Variants in TFAP2D observed in about 807,000 individuals in gnomAD.
TFAP2D encodes transcription factor AP-2-delta.
Under a neutral mutation model 43.6 loss-of-function variants are expected in TFAP2D, and 9 were observed. The observed-to-expected ratio is 0.21, with a 90% confidence interval of 0.12 to 0.36. TFAP2D has a LOEUF of 0.36. TFAP2D is among the 10% of genes least tolerant of loss of function. The pLI is 1.00. For synonymous variants in TFAP2D, 256 were observed against 224.9 expected, an observed-to-expected ratio of 1.14 and a Z score of -1.24; for missense variants, 513 against 561.4, an observed-to-expected ratio of 0.91 and a Z score of 0.87.
chr6:50,722,236 C>T (rs1768737574), intron 3 of TFAP2D, among the ~76,000 whole-genome samples: 1 of 152,162 alleles, frequency 6.6e-6, no homozygotes, highest in African/African-American at 2.4e-5. Flanking sequence ...CCCGCAGCTC[C>T]GGCTCTCCAA....
intron 3 of TFAP2D, among the ~76,000 whole-genome samples, chr6:50,728,511 T>C (rs1768839803): frequency 6.6e-6 from 1 of 152,216 alleles, no homozygotes; most frequent in African/African-American, 2.4e-5. Flanking sequence ...TACCTAGTCT[T>C]TGTGAGCTTA....
At chr6:50,742,573 CATAGA>C (rs1769061679) in intron 5 of TFAP2D, among the ~76,000 whole-genome samples, 1 of 145,382 alleles carries the variant, frequency 6.9e-6, no homozygotes, top group African/African-American at 2.6e-5. Flanking sequence ...GACAGACACA[CATAGA>C]TAGATAGATA....
Position 50,719,478 on chromosome 6 carries a change from A to AAAGAAAGAAAGAAAGG in TFAP2D, c.598+343_598+344insGAAGAAAGAAAGAAAG, listed in dbSNP as rs1554151937. Among the ~76,000 whole-genome samples the AAAGAAAGAAAGAAAGG allele has an allele frequency of 4.1e-3, 562 of 137,530 alleles. 3 individuals are homozygous for AAAGAAAGAAAGAAAGG. Among genetic ancestry groups the AAAGAAAGAAAGAAAGG allele is most frequent in the African/African-American group, 0.013 (517 of 40,066 alleles). 90.2% of individuals were successfully genotyped at this position (137,530 alleles called of 152,430 possible). On this transcript the variant is annotated intron_variant, in intron 3 of 7. Transcript: ENST00000008391. ...GAAAGAAAGAAAGAAAGAAAGAAAG[A>AAAGAAAGAAAGAAAGG]AAGAAAGAAAGAAAGAAAGAAAGAA...
chr6:50,715,662 C>A (rs770634646), intron 2 of TFAP2D, 49 bp downstream of exon 2: 4 of 1,529,334 alleles, frequency 2.6e-6, no homozygotes, highest in Admixed American at 2.0e-5. Context: ...TCTTCGCCCT[C>A]CCCCTGCCGC....
At chr6:50,744,255 G>A (rs1474410772) in intron 5 of TFAP2D, among the ~76,000 whole-genome samples, 2 of 152,032 alleles carry the variant, frequency 1.3e-5, no homozygotes, top group Non-Finnish European at 2.9e-5. Context: ...GTGTCCATGT[G>A]TTCTCATTGT....
At chr6:50,726,844 G>A (rs1768814883) in intron 3 of TFAP2D, among the ~76,000 whole-genome samples, 1 of 152,162 alleles carries the variant, frequency 6.6e-6, no homozygotes, top group Non-Finnish European at 1.5e-5. Flanking sequence ...CATTTTTATT[G>A]TTGTATTTTG....
intron 6 of TFAP2D, among the ~76,000 whole-genome samples, chr6:50,746,576 G>C (rs1454879089): frequency 6.6e-6 from 1 of 152,112 alleles, no homozygotes; most frequent in African/African-American, 2.4e-5. Flanking sequence ...AGGGCAGAGA[G>C]TATTAAAAAC....
At chr6:50,755,394 A>C (rs953596271) in intron 7 of TFAP2D, among the ~76,000 whole-genome samples, 2 of 151,556 alleles carry the variant, frequency 1.3e-5, no homozygotes, top group African/African-American at 4.8e-5. Flanking sequence ...ATATTTCTTA[A>C]ACCTGGCTTT....
At chr6:50,751,003 T>C (rs1011174401) in intron 6 of TFAP2D, among the ~76,000 whole-genome samples, 1 of 151,984 alleles carries the variant, frequency 6.6e-6, no homozygotes, top group Non-Finnish European at 1.5e-5. Context: ...TTGTTTGAAA[T>C]GTTGTATGAT....
intron 6 of TFAP2D, 80 bp from the exon 7 acceptor site, chr6:50,751,131 A>G: frequency 1.0e-6 from 1 of 963,864 alleles, no homozygotes; most frequent in Non-Finnish European, 1.6e-6. Flanking sequence ...AGAGAGAACA[A>G]GCCTTTGGTT....
intron 7 of TFAP2D, among the ~76,000 whole-genome samples, chr6:50,768,943 C>T (rs1769483925): frequency 7.2e-6 from 1 of 138,328 alleles, no homozygotes; most frequent in African/African-American, 2.7e-5. Flanking sequence ...CCCTCTGTTG[C>T]CCAGGCTGGA....
intron 5 of TFAP2D, among the ~76,000 whole-genome samples, chr6:50,742,620 A>AGAT (rs1561936917): frequency 7.1e-6 from 1 of 140,562 alleles, no homozygotes; most frequent in Non-Finnish European, 1.6e-5. Context: ...ATAGATAGAT[A>AGAT]GATAGATAGA....
intron 3 of TFAP2D, among the ~76,000 whole-genome samples, chr6:50,726,226 G>C: frequency 6.6e-6 from 1 of 152,156 alleles, no homozygotes; most frequent in East Asian, 1.9e-4. Context: ...AAGTCTTCCA[G>C]TTGGGGAGAG....
At chr6:50,729,130 T>A (rs1768848340) in intron 4 of TFAP2D, 64 bp from the exon 5 acceptor site, 1 of 1,605,372 alleles carries the variant, frequency 6.2e-7, no homozygotes. Flanking sequence ...TGTGGTCAAG[T>A]CGTCTCATAA....
chr6:50,737,450 G>T (rs1445051596), intron 5 of TFAP2D, among the ~76,000 whole-genome samples: 1 of 152,114 alleles, frequency 6.6e-6, no homozygotes, highest in East Asian at 1.9e-4. Flanking sequence ...TTTACTTTTT[G>T]ATTGATTAAT....
intron 3 of TFAP2D, among the ~76,000 whole-genome samples, chr6:50,727,042 G>T (rs1198836205): frequency 6.6e-6 from 1 of 152,196 alleles, no homozygotes; most frequent in East Asian, 1.9e-4. Flanking sequence ...TTCAGACACT[G>T]TCATGGAGGT....
At chr6:50,730,504 G>A (rs1768871366) in intron 5 of TFAP2D, among the ~76,000 whole-genome samples, 1 of 151,020 alleles carries the variant, frequency 6.6e-6, no homozygotes, top group Non-Finnish European at 1.5e-5. Flanking sequence ...TTGGGGAAGA[G>A]CAAAGTAGAA....
intron 7 of TFAP2D, among the ~76,000 whole-genome samples, chr6:50,753,694 TA>T (rs541340277): frequency 1.3e-5 from 2 of 151,944 alleles, no homozygotes; most frequent in Non-Finnish European, 1.5e-5. Context: ...TGCATAACCA[TA>T]TCTTAAAACT....
intron 3 of TFAP2D, among the ~76,000 whole-genome samples, chr6:50,719,447 G>GAGAAA (rs1554151924): frequency 7.6e-6 from 1 of 131,690 alleles, no homozygotes; most frequent in African/African-American, 2.9e-5. Context: ...AAAAGACAGA[G>GAGAAA]AGAAAGAAAG....
Sources: gnomAD v4.1 joint callset for allele counts (sites outside exome capture counted in the v4.1 genomes callset) on GRCh38, gnomAD v4.1.1 for gene constraint, MANE v1.5 for transcripts, NCBI Gene and HGNC (gene_info 2026-07-23, HGNC 2026-07-21) for gene names.